The following TMEM52B variants were observed in gnomAD, a reference collection of about 807,000 sequenced individuals.
The protein encoded by TMEM52B is chromosome 12 open reading frame 59.
A neutral mutation model predicts 16.1 loss-of-function variants in TMEM52B; 11 were observed. The observed-to-expected ratio is 0.68, with a 90% CI of 0.43 to 1.13. TMEM52B has a LOEUF of 1.13. Ranked by LOEUF, TMEM52B falls within the 50% of genes most tolerant of loss-of-function variation. The pLI is 0.00. For synonymous variants in TMEM52B, 101 were observed against 93.8 expected (o/e 1.08, Z -0.45); for missense variants, 243 against 230.4 (o/e 1.05, Z -0.35).
At chr12:10,178,842 T>A (rs548319729), upstream of TMEM52B, among the ~76,000 whole-genome samples, 2 of 152,240 alleles carry the variant, frequency 1.3e-5, no homozygotes, top group Non-Finnish European at 2.9e-5. Flanking sequence ...CCGACTTGAT[T>A]TCTCATCTTC....
chr12:10,187,823 G>A (rs567178432), intron 4 of TMEM52B, among the ~76,000 whole-genome samples: 70 of 152,260 alleles, frequency 4.6e-4, no homozygotes, highest in African/African-American at 1.3e-3. Flanking sequence ...TGATGGCTGG[G>A]CGCAGTGGCT....
chr12:10,182,356 G>T, intron 1 of TMEM52B, 194 bp from the exon 2 acceptor site: 1 of 985,304 alleles, frequency 1.0e-6, no homozygotes, highest in Non-Finnish European at 1.2e-6. Flanking sequence ...GTTCTTCAAG[G>T]TTCCCTTACC....
At chr12:10,178,779 T>C (rs1948789786), upstream of TMEM52B, among the ~76,000 whole-genome samples, 1 of 152,170 alleles carries the variant, frequency 6.6e-6, no homozygotes, top group African/African-American at 2.4e-5. Context: ...CAATGGGAAG[T>C]GAAGTCAGGG....
At chr12:10,172,056 T>C (rs1193435510) in intron 1 of TMEM52B, 1 of 1,613,836 alleles carries the variant, frequency 6.2e-7, no homozygotes, top group Admixed American at 1.7e-5. Flanking sequence ...ACAGTCTGGA[T>C]CTTTAGGTCA....
chr12:10,182,405 T>C, intron 1 of TMEM52B, 145 bp from the exon 2 acceptor site: 3 of 1,289,942 alleles, frequency 2.3e-6, no homozygotes, highest in Non-Finnish European at 3.0e-6. Context: ...GAGATGAAAA[T>C]GGCAGTCCTA....
chr12:10,177,769 A>G (rs1565425231), upstream of TMEM52B, among the ~76,000 whole-genome samples: 1 of 21,062 alleles, frequency 4.7e-5, no homozygotes, highest in Non-Finnish European at 7.8e-5. Flanking sequence ...TCTGTCTCAA[A>G]TAATAATAAT....
chr12:10,189,920 C>T lies in TMEM52B; in HGVS notation c.332C>T (p.Ala111Val), dbSNP rs1224491330. ...GCTCTGCAGTCGGTGTTTGGCCCTG[C>T]AGCTCGGAGGATCCTGGCTGTGGCT... ...ITSLQSVFGPAARRILAVAHS... is the reference protein window; with the variant it reads ...ITSLQSVFGPVARRILAVAHS... The change falls in exon 5 of 5, where the codon GCA becomes GTA. Residue 111 changes from alanine (A) to valine (V), a missense_variant. Ala to Val is a moderately conservative substitution (Grantham distance 64). Transcript: ENST00000543484. 6.2e-7 allele frequency: 1 copy of T among 1,614,010 alleles called. No homozygotes were observed. The highest frequency in any genetic ancestry group is 8.5e-7 in the Non-Finnish European group (1 of 1,180,046).
At chr12:10,180,275 G>GTTTTT (rs3053815) in intron 1 of TMEM52B, among the ~76,000 whole-genome samples, 2 of 143,016 alleles carry the variant, frequency 1.4e-5, no homozygotes, top group Non-Finnish European at 3.0e-5. Context: ...TGTATGGTTT[G>GTTTTT]TTTTTTTTTT....
At chr12:10,171,528 G>A (rs1211580053) in intron 1 of TMEM52B, among the ~76,000 whole-genome samples, 2 of 152,192 alleles carry the variant, frequency 1.3e-5, no homozygotes, top group Admixed American at 1.3e-4. Context: ...GTGCCTGAAG[G>A]ACTCTTACAG....
intron 4 of TMEM52B, among the ~76,000 whole-genome samples, chr12:10,188,740 C>T (rs111485318): frequency 0.32 from 48,475 of 151,184 alleles, 7,889 homozygotes; most frequent in Middle Eastern, 0.36. Flanking sequence ...TTTTGTTGGC[C>T]AGGCACGGTG....
upstream of TMEM52B, among the ~76,000 whole-genome samples, chr12:10,174,874 G>A (rs1314956020): frequency 1.3e-5 from 2 of 152,132 alleles, no homozygotes; most frequent in East Asian, 1.9e-4. Flanking sequence ...TTAGCATTAT[G>A]TCTTCAACAA....
In TMEM52B at chr12:10,179,592, T is replaced by C. The variant is rs1948798503; in HGVS notation, c.18T>C (p.His6=). The part of the protein sequence containing the change: MGVRV[H]VVAASALLYF... The stretch of plus-strand genomic sequence containing the variant: ...TCAGCCCGATGGGAGTCCGAGTTCA[T>C]GTCGTGGCGGCCTCAGCCCTGCTGT... Residue 6 remains histidine, a synonymous_variant, in exon 1 of 5, where the codon CAT becomes CAC. Coordinates refer to ENST00000543484, the MANE Select transcript of TMEM52B (RefSeq NM_001384896.1). 1.2e-5 allele frequency: 19 copies of C among 1,614,108 alleles called. No individual in the cohort carries two copies. The highest frequency in any genetic ancestry group is 1.6e-5 in the Non-Finnish European group (19 of 1,180,052).
chr12:10,172,528 A>G (rs1422676176), intron 1 of TMEM52B: 1 of 157,364 alleles, frequency 6.4e-6, no homozygotes, highest in Non-Finnish European at 1.4e-5. Context: ...GGTGTCTTTT[A>G]CGAATCAGAT....
upstream of TMEM52B, among the ~76,000 whole-genome samples, chr12:10,176,640 C>T (rs1335002004): frequency 8.5e-5 from 13 of 152,106 alleles, no homozygotes; most frequent in Non-Finnish European, 1.6e-4. Flanking sequence ...TATCCAGAAT[C>T]TTGAAAGTAA....
upstream of TMEM52B, among the ~76,000 whole-genome samples, chr12:10,177,767 A>AAATAATAAT (rs199747831): frequency 1.2e-4 from 14 of 118,496 alleles, no homozygotes; most frequent in South Asian, 5.2e-4. Context: ...ACTCTGTCTC[A>AAATAATAAT]AATAATAATA....
Position 10,186,478 on chromosome 12 carries a change from C to A in TMEM52B, c.196C>A (p.Arg66Ser). Residue 66 changes from arginine to serine, a missense_variant, in exon 4 of 5, where the codon CGC becomes AGC. Coordinates refer to ENST00000543484, the MANE Select transcript of TMEM52B (RefSeq NM_001384896.1). ...GTGTGGCCTGACGTCCCTGTGCTTC[C>A]GCTGCTGCTGTCTGAGCCGCCAGCA... ...LLCGLTSLCFRCCCLSRQQNG... is the reference protein window; with the variant it reads ...LLCGLTSLCFSCCCLSRQQNG... 6.2e-7 allele frequency: 1 copy of A among 1,612,510 alleles called. No individual in the cohort carries two copies. Among genetic ancestry groups the A allele is most frequent in the South Asian group, 1.1e-5 (1 of 90,954 alleles).
At chr12:10,178,797 A>G (rs1340754260), upstream of TMEM52B, among the ~76,000 whole-genome samples, 1 of 152,188 alleles carries the variant, frequency 6.6e-6, no homozygotes, top group African/African-American at 2.4e-5. Context: ...GGGAGGAGGA[A>G]GATGTCACTG....
At chr12:10,177,726 C>T (rs1177569703), upstream of TMEM52B, among the ~76,000 whole-genome samples, 1 of 149,038 alleles carries the variant, frequency 6.7e-6, no homozygotes, top group Non-Finnish European at 1.5e-5. Flanking sequence ...GCCGAGATTG[C>T]ACCACTGCCC....
rs1331496187 is a variant in TMEM52B at position 10,187,265 on chromosome 12, C to T, written c.307+676C>T. Among the ~76,000 whole-genome samples the T allele has an allele frequency of 2.6e-5, 4 of 151,914 alleles. No individual in the cohort carries two copies. In the South Asian group the frequency reaches 6.2e-4, roughly 24 times the overall value. On this transcript the variant is annotated intron_variant, in intron 4 of 4. Transcript: ENST00000543484. Reference sequence around the variant, plus strand: ...TTACAGGCACCTGCACCATGCCTGGCTAATTTTTGTATTTTTAGTAGACAC... The same window carrying T: ...TTACAGGCACCTGCACCATGCCTGGTTAATTTTTGTATTTTTAGTAGACAC...
Sources: gnomAD v4.1 joint callset for allele counts (sites outside exome capture counted in the v4.1 genomes callset) on GRCh38, gnomAD v4.1.1 for gene constraint, MANE v1.5 for transcripts, NCBI Gene and HGNC (gene_info 2026-07-23, HGNC 2026-07-21) for gene names.